SYNE1: variants seen among roughly 807,000 people sequenced by gnomAD.
The protein encoded by SYNE1 is nesprin-1.
Under a neutral mutation model 1,111.0 loss-of-function variants are expected in SYNE1, and 616 were observed. That is an observed-to-expected ratio of 0.55 (90% CI 0.52 to 0.59). The LOEUF is 0.59. Ranked by LOEUF, SYNE1 falls within the 20% of genes least tolerant of loss-of-function variation. The probability of loss-of-function intolerance (pLI) is 0.00; values close to 1 mark genes in which losing one functional copy is unlikely to be tolerated. For missense variants in SYNE1, 10,006 were observed against 10,417.0 expected (o/e 0.96, Z 1.72); for synonymous variants, 3,855 against 3,825.8 (o/e 1.01, Z -0.28).
intron 30 of SYNE1, among the ~76,000 whole-genome samples, chr6:152,443,248 C>T (rs904479510): frequency 1.3e-5 from 2 of 152,010 alleles, no homozygotes; most frequent in Non-Finnish European, 2.9e-5. Flanking sequence ...AACAATGTAA[C>T]ACCAAATATT....
intron 64 of SYNE1, among the ~76,000 whole-genome samples, chr6:152,361,316 A>T (rs1488795812): frequency 1.3e-5 from 2 of 152,206 alleles, no homozygotes; most frequent in African/African-American, 4.8e-5. Flanking sequence ...GATTGAGCTT[A>T]TCCTGTAGAC....
At chr6:152,163,551 A>G (rs1170390200) in intron 131 of SYNE1, among the ~76,000 whole-genome samples, 1 of 151,260 alleles carries the variant, frequency 6.6e-6, no homozygotes, top group African/African-American at 2.4e-5. Context: ...ATGGGAGGTG[A>G]AAATTTCTTC....
rs1444689211 is a variant in SYNE1 at position 152,381,330 on chromosome 6, G to T, written c.8685C>A (p.Ser2895Arg). Residue 2895 changes from serine (S) to arginine (R), a missense_variant, in exon 56 of 146, where the codon AGC becomes AGA. Physicochemically the swap from Ser to Arg is moderately radical, Grantham distance 110. This residue lies in a region of SYNE1 where 4,955 missense variants were observed against 5,017.2 expected (regional missense o/e 0.99). Coordinates refer to ENST00000367255, the MANE Select transcript of SYNE1 (RefSeq NM_182961.4). ...ELIDSREIGA[S>R]RLSRVESLAP... is the part of the protein sequence containing the mutation. ...CCAGCGACTCCACTCTGCTGAGACG[G>T]CTTGCACCAATCTCTCTGGAATCTA... The T allele has an allele frequency of 2.5e-6, 4 of 1,613,900 alleles. No homozygotes were observed. The South Asian group carries it at 4.4e-5, about 18-fold the overall frequency.
At position 152,136,829 on chromosome 6, in the gene SYNE1, C is replaced by CA; in HGVS notation, c.25459-12dup. The CA allele has an allele frequency of 1.2e-6, 2 of 1,613,296 alleles. No individual in the cohort carries two copies. Among genetic ancestry groups the CA allele is most frequent in the Non-Finnish European group, 8.5e-7 (1 of 1,179,320 alleles). On this transcript the variant is annotated splice_polypyrimidine_tract_variant and intron_variant, in intron 140 of 145. Coordinates refer to ENST00000367255, the MANE Select transcript of SYNE1 (RefSeq NM_182961.4). ...AGCTTTCTGGAGCTCCTGAAAAGAA[C>CA]AAAAAAGACAATCAAACAAGGACAA...
In SYNE1 at chr6:152,362,193, T is replaced by G. The variant is rs1423503302; in HGVS notation, c.10276A>C (p.Thr3426Pro). 1 of 1,614,094 alleles carries G rather than the reference T, an allele frequency of 6.2e-7. No homozygotes were observed. The highest frequency in any genetic ancestry group is 2.2e-5 in the East Asian group (1 of 44,894). The stretch of plus-strand genomic sequence containing the variant: ...ACCTTGGCTTTTCCGAGCATCGTTG[T>G]TTTATCCCGCAGCTCCGCATGCTGC... ...ERQHAELRDK[T>P]TMLGKAKLLN... is the part of the protein sequence containing the mutation. Residue 3426 changes from threonine to proline, a missense_variant, in exon 64 of 146, where the codon ACA becomes CCA. By Grantham distance (38) the Thr-to-Pro change is conservative. Transcript: ENST00000367255.
chr6:152,303,498 T>TAC (rs1013267145), intron 91 of SYNE1, among the ~76,000 whole-genome samples: 22 of 151,740 alleles, frequency 1.4e-4, no homozygotes, highest in Non-Finnish European at 2.5e-4. Flanking sequence ...TTCATATATA[T>TAC]ACACACACAT....
At chr6:152,256,864 C>T (rs1303374483) in intron 101 of SYNE1, 99 bp from the exon 102 acceptor site, 2 of 1,556,370 alleles carry the variant, frequency 1.3e-6, no homozygotes, top group East Asian at 2.3e-5. Context: ...AAAACACTGT[C>T]CATATGAAAA....
intron 3 of SYNE1, among the ~76,000 whole-genome samples, chr6:152,626,430 G>C (rs2099685883): frequency 6.6e-6 from 1 of 152,088 alleles, no homozygotes; most frequent in Admixed American, 6.6e-5. Flanking sequence ...GGCACAAAAT[G>C]GTTCAACAAT....
chr6:152,124,140 T>C (rs1044837123), intron 145 of SYNE1, among the ~76,000 whole-genome samples: 10 of 152,130 alleles, frequency 6.6e-5, no homozygotes, highest in African/African-American at 2.2e-4. Flanking sequence ...CTGGCCAACA[T>C]GGTAAAAATA....
Position 152,310,898 on chromosome 6 carries a change from G to A in SYNE1, c.16711-25C>T, listed in dbSNP as rs1538. 48,507 of 1,608,712 alleles carry A rather than the reference G, an allele frequency of 0.03. 1,185 individuals carry two copies. The highest frequency in any genetic ancestry group is 0.15 in the East Asian group (6,707 of 44,832). ...TCTAGAGTGAATTGTCAATATTCATGACATTGACGGGCAGGTAGAGGGATA... is the reference window on the plus strand; with the variant it reads ...TCTAGAGTGAATTGTCAATATTCATAACATTGACGGGCAGGTAGAGGGATA... On this transcript the variant is annotated intron_variant, in intron 87 of 145. Transcript: ENST00000367255.
intron 126 of SYNE1, 106 bp downstream of exon 126, chr6:152,206,062 A>C (rs988446427): frequency 9.0e-7 from 1 of 1,106,912 alleles, no homozygotes; most frequent in Admixed American, 2.0e-5. Flanking sequence ...ACTGCAGGGT[A>C]TTATTTCATG....
At position 152,331,574 on chromosome 6, in the gene SYNE1, G is replaced by C. The variant is rs766776939; in HGVS notation, c.13111C>G (p.Leu4371Val). The change falls in exon 78 of 146, where the codon CTT becomes GTT. Residue 4371 changes from leucine to valine, a missense_variant. By Grantham distance (32) the Leu-to-Val change is conservative (BLOSUM62 1). Coordinates refer to ENST00000367255, the MANE Select transcript of SYNE1 (RefSeq NM_182961.4). Reference protein sequence around the residue: ...EEQQPNIAEALKQSPPPDMAQ... With the variant: ...EEQQPNIAEAVKQSPPPDMAQ... ...ATATCTGGAGGAGGGCTCTGCTTAA[G>C]GGCCTCGGCGATGTTGGGTTGTTGC... The C allele has an allele frequency of 6.2e-6, 10 of 1,614,186 alleles. No individual in the cohort carries two copies. Among genetic ancestry groups the C allele is most frequent in the Non-Finnish European group, 7.6e-6 (9 of 1,180,036 alleles).
rs1007703591 is a variant in SYNE1 at position 152,520,493 on chromosome 6, A to G, written c.275T>C (p.Ile92Thr). The change falls in exon 6 of 146, where the codon ATT becomes ACT. Residue 92 changes from isoleucine (I) to threonine (T), a missense_variant. Physicochemically the swap from Ile to Thr is moderately conservative, Grantham distance 89. Coordinates refer to ENST00000367255, the MANE Select transcript of SYNE1 (RefSeq NM_182961.4). ...TTCGAGGAACTTGAGTGCCGTGCCA[A>G]TGTTAGCCACAGCATGGATTCGCTT... ...RMKRIHAVAN[I>T]GTALKFLEGR... 12 of 1,613,544 alleles carry G rather than the reference A, an allele frequency of 7.4e-6. No homozygotes were observed. The highest frequency in any genetic ancestry group is 6.7e-5 in the East Asian group (3 of 44,880).
chr6:152,589,564 T>C (rs1416922013), intron 3 of SYNE1, among the ~76,000 whole-genome samples: 2 of 152,150 alleles, frequency 1.3e-5, no homozygotes, highest in African/African-American at 4.8e-5. Flanking sequence ...TGGGAACTTT[T>C]TTCTAAAAAG....
rs374149130 is a variant in SYNE1, at chr6:152,122,678, T to G, written c.26154-2A>C. The G allele has an allele frequency of 1.2e-6, 2 of 1,613,758 alleles. No homozygotes were observed. The highest frequency in any genetic ancestry group is 1.7e-6 in the Non-Finnish European group (2 of 1,179,900). On this transcript the variant is annotated splice_acceptor_variant, in intron 145 of 145. Coordinates refer to ENST00000367255, the MANE Select transcript of SYNE1 (RefSeq NM_182961.4). LOFTEE classifies it high-confidence loss of function. ...GAATCGGAGCCACCTTTTGTGGACC[T>G]GAGAGAAGAATGGACATAAATTACT...
At position 152,331,267 on chromosome 6, in the gene SYNE1, T is replaced by A. The variant is rs1202464044; in HGVS notation, c.13418A>T (p.Glu4473Val). ...GTGTTCACGGAACATTATCTTTCGCTCATGTTGCTGAATTTGGCTGGTGGC... is the reference window on the plus strand; with the variant it reads ...GTGTTCACGGAACATTATCTTTCGCACATGTTGCTGAATTTGGCTGGTGGC... The part of the protein sequence containing the change: ...FQATSQIQQH[E>V]RKIMFREHIC... The change falls in exon 78 of 146, where the codon GAG (glutamate) becomes GTG (valine). Residue 4473 changes from glutamate (E) to valine (V), a missense_variant. Coordinates refer to ENST00000367255, the MANE Select transcript of SYNE1 (RefSeq NM_182961.4). 1.9e-6 allele frequency: 3 copies of A among 1,614,130 alleles called. No homozygotes were observed. Among genetic ancestry groups the A allele is most frequent in the Non-Finnish European group, 1.7e-6 (2 of 1,180,038 alleles).
chr6:152,326,780 G>A, intron 78 of SYNE1, 147 bp from the exon 79 acceptor site: 1 of 735,960 alleles, frequency 1.4e-6, no homozygotes, highest in Non-Finnish European at 2.3e-6. Flanking sequence ...ATATTTTTGT[G>A]GTGCCATCAT....
chr6:152,469,333 C>T (rs2098791457), intron 16 of SYNE1, among the ~76,000 whole-genome samples: 1 of 151,922 alleles, frequency 6.6e-6, no homozygotes, highest in African/African-American at 2.4e-5. Flanking sequence ...TTATTATTAT[C>T]ATCATCATTA....
intron 115 of SYNE1, among the ~76,000 whole-genome samples, chr6:152,230,216 T>G (rs1219580514): frequency 6.6e-6 from 1 of 152,088 alleles, no homozygotes; most frequent in African/African-American, 2.4e-5. Context: ...TGTAGCTTTT[T>G]GTAGAGAGAG....
Sources: gnomAD v4.1 joint callset for allele counts (sites outside exome capture counted in the v4.1 genomes callset) on GRCh38, gnomAD v4.1.1 for gene constraint, gnomAD v4.1.1 regional missense constraint, MANE v1.5 for transcripts, NCBI Gene and HGNC (gene_info 2026-07-23, HGNC 2026-07-21) for gene names.